The following TBC1D22A variants were observed in gnomAD, a reference collection of about 807,000 sequenced individuals.
TBC1D22A encodes the protein TBC1 domain family member 22A.
Under a neutral mutation model 60.2 loss-of-function variants are expected in TBC1D22A, and 38 were observed. The ratio of observed to expected loss-of-function variants is 0.63; its 90% CI spans 0.49 to 0.83. The LOEUF is 0.83. TBC1D22A is among the 40% of genes least tolerant of loss of function. The pLI, the probability that TBC1D22A is intolerant of heterozygous loss-of-function variation, is 0.00. For missense variants in TBC1D22A, 628 were observed against 701.0 expected, an observed-to-expected ratio of 0.90 and a Z score of 1.18; for synonymous variants, 302 against 281.7, an observed-to-expected ratio of 1.07 and a Z score of -0.72.
In TBC1D22A at chr22:46,974,328, C is replaced by T. The variant is rs768703084; in HGVS notation, c.1054C>T (p.Pro352Ser). 1.2e-6 allele frequency: 2 copies of T among 1,606,690 alleles called. No individual in the cohort carries two copies. The highest frequency in any genetic ancestry group is 2.7e-5 in the African/African-American group (2 of 74,930). ...EVDTVDVSGV[P>S]AEVLCNIEAD... The stretch of plus-strand genomic sequence containing the variant: ...GGACACGGTGGACGTCTCCGGCGTG[C>T]CCGCAGAGGTGCTGTGCAACATCGA... Residue 352 changes from proline to serine, a missense_variant, in exon 9 of 13, where the codon CCC becomes TCC. Transcript: ENST00000337137.
intron 11 of TBC1D22A, among the ~76,000 whole-genome samples, chr22:47,089,693 C>T (rs768952758): frequency 6.6e-6 from 1 of 152,178 alleles, no homozygotes; most frequent in Non-Finnish European, 1.5e-5. Context: ...TATTGTTGTG[C>T]AGAACCTGTA....
intron 8 of TBC1D22A, among the ~76,000 whole-genome samples, chr22:46,958,618 A>G (rs903194632): frequency 2.0e-5 from 3 of 152,182 alleles, no homozygotes; most frequent in African/African-American, 7.2e-5. Context: ...TTAGCTCTTC[A>G]TGCATAAGCG....
At chr22:47,112,362 C>T (rs1306998275) in intron 12 of TBC1D22A, among the ~76,000 whole-genome samples, 3 of 152,350 alleles carry the variant, frequency 2.0e-5, no homozygotes, top group African/African-American at 7.2e-5. Context: ...GCAGACCAGG[C>T]TCTGCACCAG....
At chr22:46,803,491 G>A (rs1027326448) in intron 4 of TBC1D22A, among the ~76,000 whole-genome samples, 28 of 152,310 alleles carry the variant, frequency 1.8e-4, no homozygotes, top group African/African-American at 6.3e-4. Context: ...CGGGGAGGGC[G>A]GTTGGTTCTT....
At chr22:46,856,395 A>G (rs932401229) in intron 4 of TBC1D22A, among the ~76,000 whole-genome samples, 1 of 152,212 alleles carries the variant, frequency 6.6e-6, no homozygotes, top group Non-Finnish European at 1.5e-5. Context: ...GTCCTGCTGT[A>G]TATGTTTTAA....
intron 1 of TBC1D22A, among the ~76,000 whole-genome samples, chr22:46,785,267 C>T (rs1473515309): frequency 6.6e-6 from 1 of 152,166 alleles, no homozygotes; most frequent in Non-Finnish European, 1.5e-5. Context: ...GCAGGCTGTC[C>T]ACTGGGCCTT....
chr22:47,075,095 C>T (rs1271731017), intron 11 of TBC1D22A, among the ~76,000 whole-genome samples: 5 of 152,018 alleles, frequency 3.3e-5, no homozygotes, highest in African/African-American at 1.2e-4. Context: ...TGTTGGCGGG[C>T]GCCTGTAGTC....
intron 8 of TBC1D22A, among the ~76,000 whole-genome samples, chr22:46,948,379 A>C (rs886246635): frequency 6.6e-6 from 1 of 152,198 alleles, no homozygotes; most frequent in South Asian, 2.1e-4. Context: ...AGTCATTTTT[A>C]TACAGGGTCA....
intron 8 of TBC1D22A, among the ~76,000 whole-genome samples, chr22:46,934,351 C>T (rs936288446): frequency 4.6e-5 from 7 of 152,216 alleles, no homozygotes; most frequent in Non-Finnish European, 4.4e-5. Context: ...TCTCAGCCTT[C>T]GTGCTCTGGG....
At chr22:46,815,065 C>T (rs1317464158) in intron 4 of TBC1D22A, among the ~76,000 whole-genome samples, 2 of 152,198 alleles carry the variant, frequency 1.3e-5, no homozygotes, top group Non-Finnish European at 2.9e-5. Flanking sequence ...CTTCCATTTG[C>T]TTGTAGGTGA....
At chr22:47,097,440 C>T (rs1462471069) in intron 11 of TBC1D22A, among the ~76,000 whole-genome samples, 1 of 151,908 alleles carries the variant, frequency 6.6e-6, no homozygotes, top group Non-Finnish European at 1.5e-5. Context: ...ATGGTGAAAC[C>T]CCATCTCTAC....
chr22:46,790,499 T>A (rs2084359970), intron 1 of TBC1D22A, among the ~76,000 whole-genome samples: 1 of 152,212 alleles, frequency 6.6e-6, no homozygotes, highest in African/African-American at 2.4e-5. Context: ...GTTATTCTGC[T>A]GACCACACCA....
In TBC1D22A at chr22:47,133,662, G is replaced by A. The variant is rs1022956058; in HGVS notation, c.1425+22059G>A. 2.0e-5 allele frequency among the ~76,000 whole-genome samples: 3 copies of A among 152,140 alleles called. No homozygotes were observed. The South Asian group carries it at 6.2e-4, about 32-fold the overall frequency. On this transcript the variant is annotated intron_variant, in intron 12 of 12. Coordinates refer to ENST00000337137, the MANE Select transcript of TBC1D22A (RefSeq NM_014346.5). ...CCCTTCTGCCTGGGACTTACCGGCG[G>A]CTCCTGGAACCCTTGCCTGGAGCTC...
At chr22:47,038,001 G>C (rs181147228) in intron 11 of TBC1D22A, among the ~76,000 whole-genome samples, 6 of 152,342 alleles carry the variant, frequency 3.9e-5, no homozygotes, top group African/African-American at 1.4e-4. Flanking sequence ...TCAGGAGGTT[G>C]AGTTTTCTGG....
intron 9 of TBC1D22A, among the ~76,000 whole-genome samples, chr22:46,978,853 C>G (rs1052160351): frequency 6.6e-6 from 1 of 152,076 alleles, no homozygotes; most frequent in Non-Finnish European, 1.5e-5. Context: ...AAGTGATCTG[C>G]CCGCCTCAGC....
At chr22:47,148,779 T>C (rs1256238482) in intron 12 of TBC1D22A, among the ~76,000 whole-genome samples, 1 of 151,472 alleles carries the variant, frequency 6.6e-6, no homozygotes, top group Non-Finnish European at 1.5e-5. Flanking sequence ...GGTCCCTCTC[T>C]CCCCTGGGTT....
At chr22:46,880,799 C>T (rs1321241558) in intron 5 of TBC1D22A, among the ~76,000 whole-genome samples, 1 of 152,102 alleles carries the variant, frequency 6.6e-6, no homozygotes, top group Non-Finnish European at 1.5e-5. Context: ...GGTGTGGAGA[C>T]TTGCAGTCAC....
chr22:47,045,528 T>C (rs131900), intron 11 of TBC1D22A, among the ~76,000 whole-genome samples: 107,267 of 152,178 alleles, frequency 0.7, 38,315 homozygotes, highest in East Asian at 0.92. Flanking sequence ...TTGAATTGAA[T>C]GGTAATGACA....
In TBC1D22A at chr22:46,915,032, G is replaced by A. The variant is rs892865383; in HGVS notation, c.1015+2844G>A. The A allele has an allele frequency of 4.8e-5, 11 of 231,188 alleles. No individual in the cohort carries two copies. The South Asian group carries it at 6.5e-4, about 14-fold the overall frequency. The allele number at this position is 231,188 out of a possible 1,614,324, so 14.3% of individuals were successfully genotyped here. A position where few individuals can be genotyped will look rare whatever the true frequency, so the allele number is the denominator to read the frequency against. On this transcript the variant is annotated intron_variant, in intron 8 of 12. Transcript: ENST00000337137. ...ATTCAGAGAGGGCAGCAGAAGGGCC[G>A]GCCTGGAATCCAAGGTGCAGTGACA... is the stretch of plus-strand genomic sequence containing the variant.
Sources: allele counts gnomAD v4.1 joint callset (sites outside exome capture counted in the v4.1 genomes callset), GRCh38; gene constraint gnomAD v4.1.1; transcripts MANE v1.5; gene names NCBI Gene and HGNC (gene_info 2026-07-23, HGNC 2026-07-21).